Variants in PREP observed in about 807,000 individuals in gnomAD.
PREP encodes prolyl endopeptidase, also known as dJ355L5.1 (prolyl endopeptidase).
PREP carries 29 observed loss-of-function variants against 87.6 expected under a neutral mutation model. The observed-to-expected ratio is 0.33, with a 90% CI of 0.25 to 0.45. The LOEUF is 0.45. Ranked by LOEUF, PREP falls within the 20% of genes least tolerant of loss-of-function variation. The pLI is 1.00. For synonymous variants in PREP, 337 were observed against 328.6 expected (o/e 1.03, Z -0.28); for missense variants, 695 against 886.5 (o/e 0.78, Z 2.74).
chr6:105,276,118 T>C lies in PREP; in HGVS notation c.*2026A>G, dbSNP rs1297874782. Among the ~76,000 whole-genome samples, 2 of 152,246 alleles carry C rather than the reference T, an allele frequency of 1.3e-5. No homozygotes were observed. Among genetic ancestry groups the C allele is most frequent in the Non-Finnish European group, 2.9e-5 (2 of 68,036 alleles). Reference sequence around the variant, plus strand: ...CTGGGTAGGAGCCCAATCTCAAGTCTTATTTCTAATGTTTAAAGCTCCCCC... The same window carrying C: ...CTGGGTAGGAGCCCAATCTCAAGTCCTATTTCTAATGTTTAAAGCTCCCCC... On this transcript the variant is annotated 3_prime_UTR_variant, in exon 15 of 15. Transcript: ENST00000652536.
chr6:105,402,888 G>A lies in PREP; in HGVS notation c.4C>T (p.Leu2=), dbSNP rs148038004. M[L]SLQYPDVYRD... is the part of the protein sequence containing the mutation. ...TACACGTCGGGGTACTGAAGGGACA[G>A]CATGGCCGGGGACAGGCAGGGGGCA... Residue 2 remains leucine, a synonymous_variant, in exon 1 of 15, where the codon CTG becomes TTG. Transcript: ENST00000652536. 3.6e-3 allele frequency: 5,482 copies of A among 1,529,262 alleles called. 23 individuals carry two copies. Among genetic ancestry groups the A allele is most frequent in the Non-Finnish European group, 3.6e-3 (4,127 of 1,134,186 alleles). The allele number at this position is 1,529,262 out of a possible 1,614,324, so 94.7% of individuals were successfully genotyped here.
At chr6:105,325,567 T>C (rs546272543) in intron 9 of PREP, among the ~76,000 whole-genome samples, 1 of 152,374 alleles carries the variant, frequency 6.6e-6, no homozygotes, top group South Asian at 2.1e-4. Flanking sequence ...TCTTCTGTCC[T>C]GTGCACCAGA....
intron 2 of PREP, among the ~76,000 whole-genome samples, chr6:105,378,367 CA>C (rs1772747643): frequency 6.6e-6 from 1 of 152,080 alleles, no homozygotes. Context: ...GGCTGAGGCA[CA>C]AAAATCGCTT....
At chr6:105,327,843 A>G (rs1461171790) in intron 9 of PREP, among the ~76,000 whole-genome samples, 1 of 152,196 alleles carries the variant, frequency 6.6e-6, no homozygotes, top group African/African-American at 2.4e-5. Flanking sequence ...ACTGAGCCAG[A>G]CTCCTGGGAC....
chr6:105,385,463 A>G (rs1389043639), intron 2 of PREP, among the ~76,000 whole-genome samples: 1 of 152,162 alleles, frequency 6.6e-6, no homozygotes, highest in Non-Finnish European at 1.5e-5. Context: ...AGTAATTTTT[A>G]AATCTCAATG....
At chr6:105,371,500 CAAAAAAAAAA>C (rs528772896) in intron 5 of PREP, among the ~76,000 whole-genome samples, 21 of 44,806 alleles carry the variant, frequency 4.7e-4, no homozygotes, top group Non-Finnish European at 8.4e-4. Context: ...GATTCCATCT[CAAAAAAAAAA>C]AAAAAAAAAA....
chr6:105,379,588 G>A (rs1368219778), intron 2 of PREP, among the ~76,000 whole-genome samples: 2 of 152,196 alleles, frequency 1.3e-5, no homozygotes, highest in Admixed American at 1.3e-4. Flanking sequence ...AAATCACTCA[G>A]AGACTGAAAA....
At chr6:105,397,832 T>A in intron 2 of PREP, 21 bp downstream of exon 2, 1 of 1,576,254 alleles carries the variant, frequency 6.3e-7, no homozygotes, top group Non-Finnish European at 8.7e-7. Flanking sequence ...CTGCCTTATC[T>A]TTAATTAGAA....
intron 7 of PREP, among the ~76,000 whole-genome samples, chr6:105,344,742 T>A (rs1315010177): frequency 6.6e-6 from 1 of 152,156 alleles, no homozygotes; most frequent in African/African-American, 2.4e-5. Context: ...GACGAGTTAA[T>A]GGGTGCAGCA....
At chr6:105,319,264 T>C (rs1770946521) in intron 10 of PREP, among the ~76,000 whole-genome samples, 1 of 152,268 alleles carries the variant, frequency 6.6e-6, no homozygotes, top group African/African-American at 2.4e-5. Context: ...AAAATCTTTA[T>C]TATTTTTCCT....
chr6:105,282,380 C>T (rs1583033553), intron 13 of PREP, 71 bp downstream of exon 13: 1 of 1,533,992 alleles, frequency 6.5e-7, no homozygotes, highest in African/African-American at 1.4e-5. Flanking sequence ...CAAGAGCTGC[C>T]TACAGATGGT....
chr6:105,397,578 C>A (rs1209708438), intron 2 of PREP, among the ~76,000 whole-genome samples: 1 of 152,058 alleles, frequency 6.6e-6, no homozygotes, highest in East Asian at 1.9e-4. Context: ...AATCAGTTTT[C>A]TTTCTGATAT....
chr6:105,302,911 C>A (rs991190862), intron 10 of PREP: 48 of 227,424 alleles, frequency 2.1e-4, no homozygotes, highest in Non-Finnish European at 4.0e-4. Flanking sequence ...TACCTCAGGT[C>A]CGGAGCTCAA....
chr6:105,343,715 T>C (rs1047050520), intron 7 of PREP, among the ~76,000 whole-genome samples: 11 of 152,138 alleles, frequency 7.2e-5, no homozygotes, highest in African/African-American at 1.4e-4. Context: ...GTGAAGGATA[T>C]GAACAGACAC....
intron 9 of PREP, among the ~76,000 whole-genome samples, chr6:105,326,825 G>A (rs1771172252): frequency 6.6e-6 from 1 of 152,226 alleles, no homozygotes; most frequent in Non-Finnish European, 1.5e-5. Context: ...AGTAAAAGGA[G>A]ACAGACAAAG....
chr6:105,379,174 A>G (rs1487157617), intron 2 of PREP, among the ~76,000 whole-genome samples: 1 of 152,350 alleles, frequency 6.6e-6, no homozygotes, highest in East Asian at 1.9e-4. Flanking sequence ...TACAATTCCA[A>G]CTATCACTAG....
At chr6:105,341,682 T>C (rs6929537) in intron 7 of PREP, among the ~76,000 whole-genome samples, 33,433 of 151,874 alleles carry the variant, frequency 0.22, 5,920 homozygotes, top group African/African-American at 0.49. Flanking sequence ...ATCAAATAGA[T>C]GCAATAAAAA....
intron 6 of PREP, among the ~76,000 whole-genome samples, chr6:105,355,515 GGCT>G (rs1193625416): frequency 5.9e-5 from 9 of 152,114 alleles, no homozygotes; most frequent in Non-Finnish European, 1.0e-4. Context: ...TTTCTCCTCT[GGCT>G]GCTTTTAGTA....
chr6:105,342,848 T>C (rs949082680), intron 7 of PREP, among the ~76,000 whole-genome samples: 1 of 152,170 alleles, frequency 6.6e-6, no homozygotes, highest in African/African-American at 2.4e-5. Flanking sequence ...CTTCAAGAAC[T>C]ACAAACCACT....
Sources: allele counts gnomAD v4.1 joint callset (sites outside exome capture counted in the v4.1 genomes callset), GRCh38; gene constraint gnomAD v4.1.1; transcripts MANE v1.5; gene names NCBI Gene and HGNC (gene_info 2026-07-23, HGNC 2026-07-21).